PSMG2: variants seen among roughly 807,000 people sequenced by gnomAD.
The protein encoded by PSMG2 is CD40 ligand-activated specific transcript 3.
A neutral mutation model predicts 31.5 loss-of-function variants in PSMG2; 21 were observed. The ratio of observed to expected loss-of-function variants is 0.67; its 90% CI spans 0.47 to 0.96. The LOEUF (loss-of-function observed/expected upper bound fraction) is 0.96. Among genes scored for constraint, PSMG2 ranks in the 40% least tolerant of loss-of-function variants. The pLI, the probability that PSMG2 is intolerant of heterozygous loss-of-function variation, is 0.00. For missense variants in PSMG2, 318 were observed against 321.2 expected, an observed-to-expected ratio of 0.99 and a Z score of 0.08; for synonymous variants, 120 against 110.4, an observed-to-expected ratio of 1.09 and a Z score of -0.54.
chr18:12,681,384 C>G (rs1167029298), intron 1 of PSMG2, among the ~76,000 whole-genome samples: 1 of 150,608 alleles, frequency 6.6e-6, no homozygotes, highest in Non-Finnish European at 1.5e-5. Flanking sequence ...GTAGCTGGGA[C>G]TAAAGGTGTG....
chr18:12,707,267 A>G (rs1010905574), intron 2 of PSMG2, among the ~76,000 whole-genome samples: 1 of 152,082 alleles, frequency 6.6e-6, no homozygotes, highest in Non-Finnish European at 1.5e-5. Context: ...CCATACTTGT[A>G]TCTTTTCTAG....
intron 1 of PSMG2, chr18:12,678,016 G>T: frequency 1.1e-6 from 1 of 934,174 alleles, no homozygotes; most frequent in Non-Finnish European, 1.7e-6. Flanking sequence ...TTCAGGGCTA[G>T]AATAGTGACT....
chr18:12,700,874 G>A (rs1358308935), upstream of PSMG2: 1 of 1,114,332 alleles, frequency 9.0e-7, no homozygotes, highest in Non-Finnish European at 1.3e-6. Flanking sequence ...AAAACGAAAG[G>A]CCCCACATCG....
At chr18:12,674,504 C>A (rs1346909348) in intron 1 of PSMG2, 3 of 1,519,432 alleles carry the variant, frequency 2.0e-6, no homozygotes, top group Non-Finnish European at 2.7e-6. Flanking sequence ...GACTCCTAAA[C>A]TGAAAAAATG....
Position 12,703,118 on chromosome 18 carries a change from CCT to C in PSMG2, c.12_13del (p.Cys5ArgfsTer38). The C allele has an allele frequency of 6.2e-7, 1 of 1,612,610 alleles. No individual in the cohort carries two copies. Among genetic ancestry groups the C allele is most frequent in the Non-Finnish European group, 8.5e-7 (1 of 1,179,644 alleles). On this transcript the variant is annotated frameshift_variant, in exon 1 of 7. Coordinates refer to ENST00000317615, the MANE Select transcript of PSMG2 (RefSeq NM_020232.5). LOFTEE classifies it high-confidence loss of function. ...CACCCCACTGCGACCATGTTCGTTC[CCT>C]GCGGGGAGTCGGCCCCCGACCTTGC...
intron 5 of PSMG2, among the ~76,000 whole-genome samples, chr18:12,722,770 G>C (rs2040442135): frequency 6.6e-6 from 1 of 152,202 alleles, no homozygotes; most frequent in African/African-American, 2.4e-5. Flanking sequence ...CAGAAGACCA[G>C]AGGGTAATAT....
At chr18:12,670,645 G>C (rs536604597) in intron 1 of PSMG2, 6 of 147,342 alleles carry the variant, frequency 4.1e-5, no homozygotes, top group African/African-American at 2.5e-5. Context: ...TTTGGCAAAA[G>C]AGTGGTTTTT....
chr18:12,715,958 T>C (rs570211040), intron 3 of PSMG2, among the ~76,000 whole-genome samples: 1 of 152,354 alleles, frequency 6.6e-6, no homozygotes, highest in Admixed American at 6.5e-5. Flanking sequence ...GAGGACCCCA[T>C]AATGCGTCCT....
In PSMG2 at chr18:12,703,154, C is replaced by A; in HGVS notation, c.47C>A (p.Thr16Asn). ...GESAPDLAGF[T>N]LLMPAVSVGN... Reference sequence around the variant, plus strand: ...TCGGCCCCCGACCTTGCCGGCTTCACCCTCCTAATGGTGAGTCTCCATTTG... The same window carrying A: ...TCGGCCCCCGACCTTGCCGGCTTCAACCTCCTAATGGTGAGTCTCCATTTG... Residue 16 changes from threonine (T) to asparagine (N), a missense_variant, in exon 1 of 7, where the codon ACC becomes AAC. Transcript: ENST00000317615. 6.2e-7 allele frequency: 1 copy of A among 1,611,220 alleles called. No homozygotes were observed. Among genetic ancestry groups the A allele is most frequent in the Non-Finnish European group, 8.5e-7 (1 of 1,179,132 alleles).
At chr18:12,695,282 G>C (rs771255279) in intron 1 of PSMG2, 14 of 1,557,116 alleles carry the variant, frequency 9.0e-6, no homozygotes, top group African/African-American at 1.4e-5. Context: ...TTGAGATAAC[G>C]TTTGATTGAG....
chr18:12,667,102 TA>T (rs1276810137), intron 1 of PSMG2, among the ~76,000 whole-genome samples: 4 of 152,008 alleles, frequency 2.6e-5, no homozygotes, highest in Non-Finnish European at 4.4e-5. Context: ...AATTAGTGAT[TA>T]AAAAAAGAAA....
At chr18:12,667,069 C>G (rs2038818889) in intron 1 of PSMG2, among the ~76,000 whole-genome samples, 1 of 151,498 alleles carries the variant, frequency 6.6e-6, no homozygotes, top group Admixed American at 6.6e-5. Context: ...AACCCTAAAG[C>G]AAACACTAAA....
At chr18:12,669,612 A>C (rs552619962) in intron 1 of PSMG2, among the ~76,000 whole-genome samples, 1 of 152,290 alleles carries the variant, frequency 6.6e-6, no homozygotes. Flanking sequence ...TGTCAAGAAC[A>C]CCACCTTGGA....
At chr18:12,686,047 A>C in intron 1 of PSMG2, 1 of 430,686 alleles carries the variant, frequency 2.3e-6, no homozygotes, top group Non-Finnish European at 4.1e-6. Context: ...GTTGTTACAC[A>C]CCATTTTTTA....
At chr18:12,676,402 G>T (rs2039137909) in intron 1 of PSMG2, among the ~76,000 whole-genome samples, 1 of 149,964 alleles carries the variant, frequency 6.7e-6, no homozygotes, top group Non-Finnish European at 1.5e-5. Flanking sequence ...CAGCCTCCGA[G>T]TATCTGGGAC....
At chr18:12,711,187 A>G (rs1430446425) in intron 2 of PSMG2, among the ~76,000 whole-genome samples, 1 of 151,624 alleles carries the variant, frequency 6.6e-6, no homozygotes, top group African/African-American at 2.4e-5. Context: ...CACAAGAATC[A>G]CTTGAACCTG....
intron 1 of PSMG2, chr18:12,677,987 A>G: frequency 1.5e-6 from 1 of 684,442 alleles, no homozygotes; most frequent in Non-Finnish European, 2.5e-6. Context: ...TCATAATAGT[A>G]GGGACTGTAG....
intron 1 of PSMG2, among the ~76,000 whole-genome samples, chr18:12,690,085 GGC>G (rs143190723): frequency 0.25 from 37,481 of 151,886 alleles, 5,114 homozygotes; most frequent in Non-Finnish European, 0.32. Context: ...CACCGCGCCC[GGC>G]CAGGAAGCCA....
At chr18:12,661,178 G>T (rs893362401) in intron 1 of PSMG2, among the ~76,000 whole-genome samples, 8 of 152,092 alleles carry the variant, frequency 5.3e-5, no homozygotes, top group African/African-American at 1.9e-4. Flanking sequence ...CATGGTGGCA[G>T]GCACCTGTAA....
Sources: gnomAD v4.1 joint callset for allele counts (sites outside exome capture counted in the v4.1 genomes callset) on GRCh38, gnomAD v4.1.1 for gene constraint, MANE v1.5 for transcripts, NCBI Gene and HGNC (gene_info 2026-07-23, HGNC 2026-07-21) for gene names.